Variants in SEMA3D observed in about 807,000 individuals in gnomAD.
The protein encoded by SEMA3D is semaphorin-3D.
SEMA3D carries 84 observed loss-of-function variants against 100.1 expected under a neutral mutation model. The observed-to-expected ratio is 0.84, with a 90% CI of 0.70 to 1.01. The LOEUF (loss-of-function observed/expected upper bound fraction) is 1.01, where lower values mean the gene tolerates loss of function less well. Ranked by LOEUF, SEMA3D falls within the 50% of genes least tolerant of loss-of-function variation. The pLI is 0.00. For synonymous variants in SEMA3D, 312 were observed against 320.7 expected (o/e 0.97, Z 0.29); for missense variants, 875 against 934.1 (o/e 0.94, Z 0.82).
At chr7:85,086,203 C>T (rs1186375958) in intron 4 of SEMA3D, among the ~76,000 whole-genome samples, 12 of 152,026 alleles carry the variant, frequency 7.9e-5, no homozygotes, top group Non-Finnish European at 1.5e-4. Flanking sequence ...ATCTGATTGT[C>T]TTTTAGACTC....
chr7:85,203,691 C>G, the SEMA3D span, among the ~76,000 whole-genome samples: 1 of 151,912 alleles, frequency 6.6e-6, no homozygotes, highest in Non-Finnish European at 1.5e-5. Context: ...GAGGATCTAT[C>G]AAAGTGAACA....
chr7:85,220,865 G>A, the SEMA3D span, among the ~76,000 whole-genome samples: 1 of 152,120 alleles, frequency 6.6e-6, no homozygotes, highest in Non-Finnish European at 1.5e-5. Context: ...GGTCAGAGGG[G>A]CCTGGCCTGG....
rs768448304 is a variant in SEMA3D, at chr7:85,012,773, T to G, written c.1768+9A>C. On this transcript the variant is annotated intron_variant, in intron 17 of 18. Transcript: ENST00000284136. ...AATGGGAGAAAAAGCATATCAGAGC[T>G]GTACTTACTGTCTTCGATGTCCCAG... is the stretch of plus-strand genomic sequence containing the variant. 1 of 1,604,172 alleles carries G rather than the reference T, an allele frequency of 6.2e-7. No individual in the cohort carries two copies. The highest frequency in any genetic ancestry group is 1.1e-5 in the South Asian group (1 of 90,866).
intron 17 of SEMA3D, among the ~76,000 whole-genome samples, chr7:85,007,358 T>G (rs922673510): frequency 6.6e-6 from 1 of 151,824 alleles, no homozygotes; most frequent in Non-Finnish European, 1.5e-5. Flanking sequence ...ATAATTTCTA[T>G]CATGAATTGG....
At chr7:85,034,491 T>C (rs1302331586) in intron 12 of SEMA3D, among the ~76,000 whole-genome samples, 4 of 151,514 alleles carry the variant, frequency 2.6e-5, no homozygotes, top group Admixed American at 1.3e-4. Flanking sequence ...CCTGTAATCC[T>C]AGCTACTCTG....
the SEMA3D span, among the ~76,000 whole-genome samples, chr7:85,227,547 A>C: frequency 6.6e-6 from 1 of 152,206 alleles, no homozygotes; most frequent in African/African-American, 2.4e-5. Context: ...AACTACAAAA[A>C]ATAAATTTCA....
chr7:85,165,600 A>G (rs1790883399), intron 1 of SEMA3D, among the ~76,000 whole-genome samples: 2 of 152,122 alleles, frequency 1.3e-5, no homozygotes, highest in Admixed American at 1.3e-4. Context: ...CCTTATCAGG[A>G]GAAAATCATG....
chr7:85,055,875 G>C lies in SEMA3D; in HGVS notation c.719-16C>G. The stretch of plus-strand genomic sequence containing the variant: ...AATTTTGCTCCTGTTTGAAAGAAAA[G>C]AAGCTATAAATTAAGATACTGAAAC... On this transcript the variant is annotated splice_polypyrimidine_tract_variant and intron_variant, in intron 8 of 18. Transcript: ENST00000284136. 4 of 1,459,328 alleles carry C rather than the reference G, an allele frequency of 2.7e-6. No individual in the cohort carries two copies. The highest frequency in any genetic ancestry group is 3.8e-6 in the Non-Finnish European group (4 of 1,064,064). 90.4% of individuals were successfully genotyped at this position (1,459,328 alleles called of 1,614,324 possible). A position where few individuals can be genotyped will look rare whatever the true frequency, so the allele number is the denominator to read the frequency against.
chr7:85,068,369 C>T (rs1791684437), intron 6 of SEMA3D, 85 bp from the exon 7 acceptor site: 1 of 748,354 alleles, frequency 1.3e-6, no homozygotes. Flanking sequence ...TAAATTCCAA[C>T]TCATGAATTT....
chr7:85,106,903 A>T (rs890838355), intron 3 of SEMA3D, among the ~76,000 whole-genome samples: 9 of 152,006 alleles, frequency 5.9e-5, no homozygotes, highest in Non-Finnish European at 1.2e-4. Flanking sequence ...CGCCCTCATG[A>T]TTCAATTACC....
chr7:85,070,072 G>A (rs936114426), intron 6 of SEMA3D, among the ~76,000 whole-genome samples: 1 of 152,100 alleles, frequency 6.6e-6, no homozygotes, highest in African/African-American at 2.4e-5. Flanking sequence ...TTATTTTACT[G>A]AATAAGCAGA....
chr7:85,048,541 T>A (rs1239157544), intron 9 of SEMA3D, among the ~76,000 whole-genome samples: 1 of 151,724 alleles, frequency 6.6e-6, no homozygotes, highest in Non-Finnish European at 1.5e-5. Context: ...CTTAAATGAG[T>A]ATGTTTTGAT....
chr7:85,162,059 C>G (rs959342317), intron 1 of SEMA3D, among the ~76,000 whole-genome samples: 2 of 151,934 alleles, frequency 1.3e-5, no homozygotes, highest in African/African-American at 2.4e-5. Flanking sequence ...TGTTTCGTAG[C>G]TGTTCCCAAT....
intron 1 of SEMA3D, among the ~76,000 whole-genome samples, chr7:85,170,444 A>T (rs540887027): frequency 4.6e-5 from 7 of 151,866 alleles, no homozygotes; most frequent in African/African-American, 1.4e-4. Flanking sequence ...TCATTTCAAA[A>T]AGTGTAATAT....
At chr7:85,126,762 A>G (rs1322287823) in intron 2 of SEMA3D, among the ~76,000 whole-genome samples, 2 of 152,048 alleles carry the variant, frequency 1.3e-5, no homozygotes, top group Non-Finnish European at 2.9e-5. Flanking sequence ...AAAAACTCGA[A>G]AGCCAAAGGG....
chr7:85,235,358 T>C, the SEMA3D span, among the ~76,000 whole-genome samples: 1 of 152,178 alleles, frequency 6.6e-6, no homozygotes, highest in Non-Finnish European at 1.5e-5. Flanking sequence ...TATTGGGTGC[T>C]CTTGTCTTAT....
chr7:85,176,750 G>GTA (rs914151725), intron 1 of SEMA3D, among the ~76,000 whole-genome samples: 7 of 148,112 alleles, frequency 4.7e-5, no homozygotes, highest in South Asian at 2.2e-4. Context: ...AAAGTAACAT[G>GTA]TATATATGTG....
intron 12 of SEMA3D, among the ~76,000 whole-genome samples, chr7:85,026,849 A>T (rs543874353): frequency 6.6e-6 from 1 of 152,174 alleles, no homozygotes; most frequent in South Asian, 2.1e-4. Flanking sequence ...GTGGGGCAGA[A>T]AGAGAAAACA....
At chr7:85,107,747 A>C (rs1156354650) in intron 3 of SEMA3D, among the ~76,000 whole-genome samples, 1 of 151,968 alleles carries the variant, frequency 6.6e-6, no homozygotes, top group Non-Finnish European at 1.5e-5. Flanking sequence ...CCATCACTTT[A>C]AGTCTGTTTA....
Sources: allele counts gnomAD v4.1 joint callset (sites outside exome capture counted in the v4.1 genomes callset), GRCh38; gene constraint gnomAD v4.1.1; transcripts MANE v1.5; gene names NCBI Gene and HGNC (gene_info 2026-07-23, HGNC 2026-07-21).